Variants in NAV2 observed in about 807,000 individuals in gnomAD.
NAV2 encodes the protein neuron navigator 2, also known as helicase, APC down-regulated 1.
A neutral mutation model predicts 223.2 loss-of-function variants in NAV2; 54 were observed. The observed-to-expected ratio is 0.24, with a 90% CI of 0.19 to 0.30. NAV2 has a LOEUF of 0.30. Ranked by LOEUF, NAV2 falls within the 10% of genes least tolerant of loss-of-function variation. NAV2 has a pLI of 1.00. For missense variants in NAV2, 2,806 were observed against 3,147.5 expected (o/e 0.89, Z 2.60); for synonymous variants, 1,279 against 1,239.3 (o/e 1.03, Z -0.67).
chr11:19,697,390 C>G (rs946643005), intron 1 of NAV2, among the ~76,000 whole-genome samples: 10 of 151,918 alleles, frequency 6.6e-5, no homozygotes, highest in African/African-American at 1.9e-4. Flanking sequence ...CACAATTTAC[C>G]CATGTAACAA....
chr11:19,942,051 G>A (rs1348998313), intron 8 of NAV2, among the ~76,000 whole-genome samples: 9 of 152,196 alleles, frequency 5.9e-5, no homozygotes, highest in Middle Eastern at 3.2e-3. Flanking sequence ...GTGGCTTGAG[G>A]TAGAGCCCTC....
intron 1 of NAV2, among the ~76,000 whole-genome samples, chr11:19,609,730 T>A (rs1342302792): frequency 2.0e-5 from 3 of 152,148 alleles, no homozygotes; most frequent in Non-Finnish European, 4.4e-5. Context: ...ATATCTAGAA[T>A]CAATTGAACA....
chr11:19,972,654 C>A (rs4472917), intron 10 of NAV2, among the ~76,000 whole-genome samples: 305 of 152,300 alleles, frequency 2.0e-3, no homozygotes, highest in African/African-American at 7.1e-3. Flanking sequence ...TATTGCCTGG[C>A]AGACACCTTC....
chr11:19,725,555 C>A (rs563414304), intron 1 of NAV2, among the ~76,000 whole-genome samples: 1 of 152,214 alleles, frequency 6.6e-6, no homozygotes, highest in Non-Finnish European at 1.5e-5. Context: ...AAACTAGAGA[C>A]GGTCACCAGG....
rs141867043 is a variant in NAV2, at chr11:19,956,591, G to A, written c.2645+7511G>A. ...TGGCTGGTGTGTTATAAAGCATATGGTAAAGGATACAGTTGAACAGCCAGA... is the reference window on the plus strand; with the variant it reads ...TGGCTGGTGTGTTATAAAGCATATGATAAAGGATACAGTTGAACAGCCAGA... On this transcript the variant is annotated intron_variant, in intron 10 of 37. Transcript: ENST00000349880. Among the ~76,000 whole-genome samples the A allele has an allele frequency of 7.1e-4, 108 of 152,276 alleles. 1 individual carries two copies. The highest frequency in any genetic ancestry group is 2.5e-3 in the African/African-American group (105 of 41,560).
chr11:19,534,981 G>A (rs1179703195), intron 1 of NAV2, among the ~76,000 whole-genome samples: 2 of 152,124 alleles, frequency 1.3e-5, no homozygotes, highest in Non-Finnish European at 2.9e-5. Context: ...GGGCTGTTTT[G>A]AGTGCAAAAT....
At chr11:19,701,975 A>G (rs2049522582) in intron 1 of NAV2, among the ~76,000 whole-genome samples, 1 of 152,216 alleles carries the variant, frequency 6.6e-6, no homozygotes, top group Non-Finnish European at 1.5e-5. Flanking sequence ...GCCAAGGGGT[A>G]GCATTAACTA....
chr11:20,011,316 A>G (rs769641169), intron 11 of NAV2, among the ~76,000 whole-genome samples: 1 of 152,242 alleles, frequency 6.6e-6, no homozygotes, highest in Non-Finnish European at 1.5e-5. Context: ...CAGATAAGCA[A>G]ACAATAGGGA....
At chr11:19,544,306 A>C (rs2044425571) in intron 1 of NAV2, among the ~76,000 whole-genome samples, 1 of 152,222 alleles carries the variant, frequency 6.6e-6, no homozygotes, top group Non-Finnish European at 1.5e-5. Flanking sequence ...CAATACCAGC[A>C]GAATGGGATC....
At chr11:19,961,252 C>T (rs1458098127) in intron 10 of NAV2, among the ~76,000 whole-genome samples, 5 of 152,054 alleles carry the variant, frequency 3.3e-5, no homozygotes, top group East Asian at 3.9e-4. Context: ...ACCCGGCCCA[C>T]GTTTATTTTT....
chr11:19,532,189 GC>G (rs200218671), intron 1 of NAV2, among the ~76,000 whole-genome samples: 2,666 of 152,236 alleles, frequency 0.018, 61 homozygotes, highest in African/African-American at 0.061. Context: ...TGGAATAGGA[GC>G]CACTGTGGAG....
chr11:19,956,172 A>G (rs729999), intron 10 of NAV2, among the ~76,000 whole-genome samples: 86,843 of 151,932 alleles, frequency 0.57, 26,272 homozygotes, highest in South Asian at 0.67. Context: ...GCTTGGAGCC[A>G]ATGAATGGAA....
chr11:19,551,897 TTCTCTCTCTC>T lies in NAV2; in HGVS notation c.75+200886_75+200895del, dbSNP rs59538869. ...CCCCTCCTTCTCCTCTCCTCTCCTC[TTCTCTCTCTC>T]TCTCTCTCTCTCTCTTTCTCCACAT... On this transcript the variant is annotated intron_variant, in intron 1 of 37. Transcript: ENST00000360655. Among the ~76,000 whole-genome samples, 10 of 149,304 alleles carry T rather than the reference TTCTCTCTCTC, an allele frequency of 6.7e-5. No individual in the cohort carries two copies. In the East Asian group the frequency reaches 1.6e-3, roughly 23 times the overall value.
intron 27 of NAV2, among the ~76,000 whole-genome samples, chr11:20,091,464 C>A (rs186407519): frequency 4.2e-4 from 64 of 152,264 alleles, no homozygotes; most frequent in Non-Finnish European, 1.0e-4. Context: ...CCAAGTTAGA[C>A]CCTTCCCTTA....
At chr11:19,549,638 A>AGGCT (rs2044624908) in intron 1 of NAV2, among the ~76,000 whole-genome samples, 1 of 152,230 alleles carries the variant, frequency 6.6e-6, no homozygotes. Flanking sequence ...CCAGCTCAGA[A>AGGCT]GGCTGCCTGC....
At chr11:20,076,192 T>C (rs1230932273) in intron 22 of NAV2, among the ~76,000 whole-genome samples, 1 of 152,044 alleles carries the variant, frequency 6.6e-6, no homozygotes, top group Non-Finnish European at 1.5e-5. Context: ...TGCTCTGTTA[T>C]GGGTATTCAG....
intron 10 of NAV2, among the ~76,000 whole-genome samples, chr11:19,974,662 C>T (rs2049552384): frequency 6.6e-6 from 1 of 152,116 alleles, no homozygotes; most frequent in African/African-American, 2.4e-5. Context: ...GCCTGTAGTC[C>T]CAGCTGCTCA....
upstream of NAV2, among the ~76,000 whole-genome samples, chr11:19,346,407 G>T (rs1853009010): frequency 6.6e-6 from 1 of 152,184 alleles, no homozygotes; most frequent in Admixed American, 6.5e-5. Flanking sequence ...CCTGGCTCTC[G>T]CTCTCCCACG....
chr11:19,406,348 T>C (rs117910161), intron 1 of NAV2, among the ~76,000 whole-genome samples: 2,478 of 152,292 alleles, frequency 0.016, 26 homozygotes, highest in Non-Finnish European at 0.025. Flanking sequence ...TAATAGGACG[T>C]GGGAAGACTA....
Sources: allele counts gnomAD v4.1 joint callset (sites outside exome capture counted in the v4.1 genomes callset), GRCh38; gene constraint gnomAD v4.1.1; transcripts MANE v1.5; gene names NCBI Gene and HGNC (gene_info 2026-07-23, HGNC 2026-07-21).